The following RCOR3 variants were observed in gnomAD, a reference collection of about 807,000 sequenced individuals.
RCOR3 encodes REST corepressor 3.
Under a neutral mutation model 64.1 loss-of-function variants are expected in RCOR3, and 13 were observed. The ratio of observed to expected loss-of-function variants is 0.20; its 90% confidence interval spans 0.13 to 0.32. The LOEUF (loss-of-function observed/expected upper bound fraction) is 0.32. Ranked by LOEUF, RCOR3 falls within the 10% of genes least tolerant of loss-of-function variation. The probability of loss-of-function intolerance (pLI) is 1.00; values close to 1 mark genes in which losing one functional copy is unlikely to be tolerated. For missense variants in RCOR3, 489 were observed against 701.2 expected (o/e 0.70, Z 3.42); for synonymous variants, 215 against 239.0 (o/e 0.90, Z 0.93).
intron 10 of RCOR3, among the ~76,000 whole-genome samples, chr1:211,306,580 T>C (rs953692765): frequency 2.0e-5 from 3 of 152,178 alleles, no homozygotes; most frequent in South Asian, 4.1e-4. Flanking sequence ...ATATTGACTC[T>C]GGGCAACTAG....
rs1694361960 is a variant in RCOR3 at position 211,261,932 on chromosome 1, A to AAAAAAAC, written c.223+1774_223+1775insCAAAAAA. 4.2e-5 allele frequency among the ~76,000 whole-genome samples: 6 copies of AAAAAAAC among 141,204 alleles called. 1 individual carries two copies. The South Asian group carries it at 1.5e-3, about 34-fold the overall frequency. 92.6% of individuals were successfully genotyped at this position (141,204 alleles called of 152,430 possible). ...GAGTGAGACTCCATCTCAAAAAAAA[A>AAAAAAAC]AAAAAAAAACTGAATTCAATTCCTA... is the stretch of plus-strand genomic sequence containing the variant. On this transcript the variant is annotated intron_variant, in intron 2 of 11. Coordinates refer to ENST00000419091, the MANE Select transcript of RCOR3 (RefSeq NM_001136223.3).
At chr1:211,281,383 CCTT>C (rs1408521444) in intron 7 of RCOR3, among the ~76,000 whole-genome samples, 2 of 152,094 alleles carry the variant, frequency 1.3e-5, no homozygotes, top group African/African-American at 2.4e-5. Context: ...TGTGTGACTG[CCTT>C]CTTCTTAGGT....
chr1:211,292,502 T>G (rs778870004), intron 8 of RCOR3, among the ~76,000 whole-genome samples: 1 of 152,246 alleles, frequency 6.6e-6, no homozygotes, highest in Non-Finnish European at 1.5e-5. Context: ...TTTTATTGAT[T>G]TTTTTAGAAG....
At chr1:211,262,668 A>G (rs1487266855) in intron 2 of RCOR3, among the ~76,000 whole-genome samples, 1 of 152,218 alleles carries the variant, frequency 6.6e-6, no homozygotes, top group Non-Finnish European at 1.5e-5. Context: ...TGCTGGAACA[A>G]ACTTGTACAT....
intron 10 of RCOR3, among the ~76,000 whole-genome samples, chr1:211,306,030 T>C (rs1239975050): frequency 6.6e-6 from 1 of 152,190 alleles, no homozygotes; most frequent in African/African-American, 2.4e-5. Context: ...AATGTGTTAA[T>C]GGTGTTAATG....
intron 10 of RCOR3, among the ~76,000 whole-genome samples, chr1:211,308,679 T>G (rs1558111522): frequency 2.7e-5 from 1 of 36,448 alleles, no homozygotes; most frequent in Admixed American, 3.9e-4. Flanking sequence ...TTTTGTTTTT[T>G]TTTTGTTTTT....
rs1696135748 is a variant in RCOR3 at position 211,271,180 on chromosome 1, T to C, written c.224-52T>C. On this transcript the variant is annotated intron_variant, in intron 2 of 11. Transcript: ENST00000419091. ...GCAGCTTACTTTGTTTCTACTTATT[T>C]TCAGTGTAAATAAAATCCATCATAT... The C allele has an allele frequency of 3.0e-5, 46 of 1,525,416 alleles. No individual in the cohort carries two copies. In the South Asian group the frequency reaches 5.1e-4, roughly 17 times the overall value. The allele number at this position is 1,525,416 out of a possible 1,614,324, so 94.5% of individuals were successfully genotyped here.
At chr1:211,261,348 A>C (rs905959908) in intron 2 of RCOR3, 1 of 152,146 alleles carries the variant, frequency 6.6e-6, no homozygotes, top group Non-Finnish European at 1.5e-5. Context: ...CCAAGTGAGG[A>C]GGATGAAAAG....
intron 3 of RCOR3, chr1:211,271,663 T>C (rs1696223971): frequency 2.5e-6 from 1 of 400,268 alleles, no homozygotes. Flanking sequence ...GCCTTCAAAC[T>C]TCAAAGAGCC....
rs1394681509 is a variant in RCOR3 at position 211,316,006 on chromosome 1, G to A, written c.*2238G>A. 2.0e-5 allele frequency: 3 copies of A among 152,172 alleles called. No individual in the cohort carries two copies. The highest frequency in any genetic ancestry group is 6.5e-5 in the Admixed American group (1 of 15,274). The allele number at this position is 152,172 out of a possible 1,614,324, so 9.4% of individuals were successfully genotyped here. A position where few individuals can be genotyped will look rare whatever the true frequency, so the allele number is the denominator to read the frequency against. ...CTTGCTGCTTAATCAAAGGATTAAA[G>A]ATTTAAAGATGTCTATGTCTTCTAT... On this transcript the variant is annotated 3_prime_UTR_variant, in exon 12 of 12. Coordinates refer to ENST00000419091, the MANE Select transcript of RCOR3 (RefSeq NM_001136223.3).
chr1:211,287,303 G>T (rs1698667282), intron 7 of RCOR3, among the ~76,000 whole-genome samples: 1 of 151,922 alleles, frequency 6.6e-6, no homozygotes, highest in Admixed American at 6.6e-5. Flanking sequence ...TAGCATTTTG[G>T]CTTGTCTCCT....
At chr1:211,308,997 C>T (rs565855437) in intron 10 of RCOR3, among the ~76,000 whole-genome samples, 3 of 150,704 alleles carry the variant, frequency 2.0e-5, no homozygotes, top group East Asian at 1.9e-4. Context: ...CAGGCATGAG[C>T]CACCATGCCT....
At position 211,276,298 on chromosome 1, in the gene RCOR3, G is replaced by A. The variant is rs1696948729; in HGVS notation, c.396G>A (p.Lys132=). 6.2e-7 allele frequency: 1 copy of A among 1,613,934 alleles called. No individual in the cohort carries two copies. Among genetic ancestry groups the A allele is most frequent in the Non-Finnish European group, 8.5e-7 (1 of 1,179,858 alleles). The stretch of plus-strand genomic sequence containing the variant: ...TCTGGCATAAACATAACATTGAGAA[G>A]TCCCTTGCTGATCTCCCTAATTTCA... ...MLFWHKHNIE[K]SLADLPNFTP... The change falls in exon 5 of 12, where the codon AAG becomes AAA. Residue 132 remains lysine, a synonymous_variant. Coordinates refer to ENST00000419091, the MANE Select transcript of RCOR3 (RefSeq NM_001136223.3).
At chr1:211,302,351 G>C (rs1339595732) in intron 9 of RCOR3, 3 of 152,202 alleles carry the variant, frequency 2.0e-5, no homozygotes, top group Non-Finnish European at 4.4e-5. Context: ...ATTGACAGAT[G>C]AGTATCCAGC....
At chr1:211,284,555 T>C (rs1698275470) in intron 7 of RCOR3, among the ~76,000 whole-genome samples, 1 of 151,596 alleles carries the variant, frequency 6.6e-6, no homozygotes, top group Non-Finnish European at 1.5e-5. Flanking sequence ...GGGGGTCTTG[T>C]TTTGTCACCC....
chr1:211,260,381 C>T (rs1694038565), intron 2 of RCOR3, among the ~76,000 whole-genome samples: 2 of 152,216 alleles, frequency 1.3e-5, no homozygotes, highest in Non-Finnish European at 1.5e-5. Context: ...CTTCGGAGGC[C>T]ACTTGCCCGC....
intron 1 of RCOR3, 39 bp from the exon 2 acceptor site, chr1:211,260,069 T>C (rs1482471454): frequency 6.5e-7 from 1 of 1,532,452 alleles, no homozygotes. Context: ...TTTTCTTCTT[T>C]TTTATTTTTT....
At chr1:211,271,579 C>G in intron 3 of RCOR3, 1 of 539,372 alleles carries the variant, frequency 1.9e-6, no homozygotes, top group Non-Finnish European at 3.5e-6. Flanking sequence ...TGCTTAAATC[C>G]TCAAGCAGGG....
At chr1:211,288,586 T>G (rs1401156367) in intron 7 of RCOR3, among the ~76,000 whole-genome samples, 1 of 147,646 alleles carries the variant, frequency 6.8e-6, no homozygotes, top group Non-Finnish European at 1.5e-5. Context: ...ATTTATTTTA[T>G]TTATTATATT....
Sources: allele counts gnomAD v4.1 joint callset (sites outside exome capture counted in the v4.1 genomes callset), GRCh38; gene constraint gnomAD v4.1.1; transcripts MANE v1.5; gene names NCBI Gene and HGNC (gene_info 2026-07-23, HGNC 2026-07-21).